The following MYRIP variants were observed in gnomAD, a reference collection of about 807,000 sequenced individuals.
MYRIP encodes the protein rab effector MyRIP.
In MYRIP, 49 loss-of-function variants were observed where a neutral mutation model predicts 98.0. The ratio of observed to expected loss-of-function variants is 0.50; its 90% CI spans 0.40 to 0.63. The LOEUF (loss-of-function observed/expected upper bound fraction) is 0.63, where lower values mean the gene tolerates loss of function less well. MYRIP is among the 30% of genes least tolerant of loss of function. MYRIP has a pLI of 0.00. For missense variants in MYRIP, 1,004 were observed against 1,058.2 expected (o/e 0.95, Z 0.71); for synonymous variants, 404 against 409.5 (o/e 0.99, Z 0.16).
At chr3:40,239,633 T>C (rs1952935223) in intron 12 of MYRIP, among the ~76,000 whole-genome samples, 2 of 149,534 alleles carry the variant, frequency 1.3e-5, no homozygotes, top group South Asian at 4.2e-4. Flanking sequence ...CATTGTGGTT[T>C]TGATTTGCAT....
At chr3:39,902,084 G>T (rs1205601312) in intron 2 of MYRIP, among the ~76,000 whole-genome samples, 1 of 152,136 alleles carries the variant, frequency 6.6e-6, no homozygotes, top group Non-Finnish European at 1.5e-5. Flanking sequence ...CGTCCCCAAG[G>T]TTTTTTGGCA....
intron 2 of MYRIP, among the ~76,000 whole-genome samples, chr3:39,998,216 T>C (rs556091438): frequency 2.0e-5 from 3 of 152,336 alleles, no homozygotes; most frequent in South Asian, 2.1e-4. Flanking sequence ...ATAAAGGGTA[T>C]GCAATTAGGA....
At chr3:39,924,064 A>G (rs1944360945) in intron 2 of MYRIP, among the ~76,000 whole-genome samples, 1 of 152,122 alleles carries the variant, frequency 6.6e-6, no homozygotes, top group Non-Finnish European at 1.5e-5. Flanking sequence ...GGAAGGTAGG[A>G]CAAGTAATCT....
chr3:40,122,317 A>G (rs1389698207), intron 3 of MYRIP, among the ~76,000 whole-genome samples: 1 of 151,830 alleles, frequency 6.6e-6, no homozygotes, highest in Non-Finnish European at 1.5e-5. Context: ...AATAGAAATT[A>G]AGGAGATTAT....
chr3:39,915,692 C>G (rs1163640328), intron 2 of MYRIP, among the ~76,000 whole-genome samples: 1 of 151,608 alleles, frequency 6.6e-6, no homozygotes, highest in East Asian at 1.9e-4. Context: ...ATTCATATAT[C>G]TTATCTCCTA....
chr3:39,882,112 C>T (rs962439466), intron 1 of MYRIP, among the ~76,000 whole-genome samples: 3 of 152,000 alleles, frequency 2.0e-5, no homozygotes, highest in Admixed American at 2.0e-4. Flanking sequence ...GAACATGCTC[C>T]CTTTTTTCTT....
intron 2 of MYRIP, among the ~76,000 whole-genome samples, chr3:39,947,596 T>G (rs781457160): frequency 6.6e-6 from 1 of 152,120 alleles, no homozygotes; most frequent in South Asian, 2.1e-4. Context: ...TGGTTTCACC[T>G]GGGAGCTTGT....
rs569925143 is a variant in MYRIP, at chr3:39,998,464, C to T, written c.111-45586C>T. On this transcript the variant is annotated intron_variant, in intron 2 of 16. Coordinates refer to ENST00000302541, the MANE Select transcript of MYRIP (RefSeq NM_015460.4). ...GACAATAAAATACCTAGGAATCCAA[C>T]TAACAACGGACGTGAAGGACCTCTT... Among the ~76,000 whole-genome samples, 214 of 152,310 alleles carry T rather than the reference C, an allele frequency of 1.4e-3. 1 individual carries two copies. The highest frequency in any genetic ancestry group is 2.5e-3 in the Non-Finnish European group (167 of 68,034).
intron 1 of MYRIP, among the ~76,000 whole-genome samples, chr3:39,822,083 G>A (rs1002841860): frequency 1.3e-5 from 2 of 152,074 alleles, no homozygotes; most frequent in African/African-American, 4.8e-5. Context: ...GTGCCTTTTA[G>A]TTTAAGTGTA....
intron 3 of MYRIP, among the ~76,000 whole-genome samples, chr3:40,089,955 C>T (rs1052710771): frequency 6.6e-6 from 1 of 151,776 alleles, no homozygotes; most frequent in Non-Finnish European, 1.5e-5. Flanking sequence ...ACTGCATATA[C>T]CTCTACTAAT....
At chr3:40,186,467 G>T (rs918758614) in intron 9 of MYRIP, among the ~76,000 whole-genome samples, 2 of 152,172 alleles carry the variant, frequency 1.3e-5, no homozygotes, top group African/African-American at 4.8e-5. Context: ...GCCACTGTGG[G>T]TGGCTGGAGC....
chr3:40,160,194 G>C (rs1950351507), intron 4 of MYRIP, among the ~76,000 whole-genome samples: 2 of 152,196 alleles, frequency 1.3e-5, no homozygotes, highest in Non-Finnish European at 2.9e-5. Flanking sequence ...CTTTCTGTTT[G>C]TTAGTTTTCC....
chr3:40,087,972 A>G (rs1265992973), intron 3 of MYRIP, among the ~76,000 whole-genome samples: 3 of 152,162 alleles, frequency 2.0e-5, no homozygotes, highest in Non-Finnish European at 4.4e-5. Context: ...AGGAGACCCT[A>G]TGCTATAAAA....
intron 10 of MYRIP, among the ~76,000 whole-genome samples, chr3:40,201,777 G>A (rs1389412340): frequency 6.6e-6 from 1 of 152,134 alleles, no homozygotes; most frequent in African/African-American, 2.4e-5. Context: ...TATGTGTCTG[G>A]GTGCTGTTAT....
chr3:40,165,368 A>G (rs1289056088), intron 5 of MYRIP, among the ~76,000 whole-genome samples: 1 of 152,260 alleles, frequency 6.6e-6, no homozygotes, highest in African/African-American at 2.4e-5. Flanking sequence ...TGTCCTTAAG[A>G]GCCTAAGAAG....
intron 8 of MYRIP, among the ~76,000 whole-genome samples, chr3:40,171,904 C>G (rs1210571644): frequency 2.0e-5 from 3 of 152,166 alleles, no homozygotes; most frequent in African/African-American, 7.2e-5. Flanking sequence ...GCTGGGGAGG[C>G]CACACAATCA....
chr3:39,859,678 T>G (rs1056663351), intron 1 of MYRIP, among the ~76,000 whole-genome samples: 1 of 152,218 alleles, frequency 6.6e-6, no homozygotes, highest in Non-Finnish European at 1.5e-5. Context: ...GTTAAGCATG[T>G]CAAGGGATCT....
chr3:40,089,257 C>G (rs890039590), intron 3 of MYRIP, among the ~76,000 whole-genome samples: 1 of 152,186 alleles, frequency 6.6e-6, no homozygotes, highest in East Asian at 1.9e-4. Context: ...AAACTGGACT[C>G]TTAGTTATTA....
chr3:39,988,702 C>T (rs4676550), intron 2 of MYRIP, among the ~76,000 whole-genome samples: 73,414 of 151,102 alleles, frequency 0.49, 18,980 homozygotes, highest in African/African-American at 0.69. Context: ...GGAGGTTTTG[C>T]TCATTCCTTT....
Sources: allele counts gnomAD v4.1 joint callset (sites outside exome capture counted in the v4.1 genomes callset), GRCh38; gene constraint gnomAD v4.1.1; transcripts MANE v1.5; gene names NCBI Gene and HGNC (gene_info 2026-07-23, HGNC 2026-07-21).